Variants in XPR1 observed in about 807,000 individuals in gnomAD.
XPR1 encodes the protein xenotropic and polytropic retrovirus receptor 1.
In XPR1, 28 loss-of-function variants were observed where a neutral mutation model predicts 87.5. The observed-to-expected ratio is 0.32, with a 90% confidence interval of 0.24 to 0.44. The LOEUF (loss-of-function observed/expected upper bound fraction) is 0.44, where lower values mean the gene tolerates loss of function less well. Ranked by LOEUF, XPR1 falls within the 20% of genes least tolerant of loss-of-function variation. The pLI is 1.00. For missense variants in XPR1, 559 were observed against 862.3 expected (o/e 0.65, Z 4.41); for synonymous variants, 300 against 306.1 (o/e 0.98, Z 0.21).
intron 2 of XPR1, among the ~76,000 whole-genome samples, chr1:180,694,273 T>G (rs1657091059): frequency 6.6e-6 from 1 of 152,178 alleles, no homozygotes; most frequent in Non-Finnish European, 1.5e-5. Flanking sequence ...ATATCCATGC[T>G]TTTACATTTA....
At chr1:180,848,264 C>G (rs141977744) in intron 11 of XPR1, among the ~76,000 whole-genome samples, 1 of 152,198 alleles carries the variant, frequency 6.6e-6, no homozygotes, top group South Asian at 2.1e-4. Context: ...ACTTATTGCT[C>G]CTATCTAGAT....
intron 7 of XPR1, among the ~76,000 whole-genome samples, chr1:180,821,188 A>G (rs1456044306): frequency 6.6e-6 from 1 of 152,164 alleles, no homozygotes; most frequent in African/African-American, 2.4e-5. Flanking sequence ...TTGAATTCCT[A>G]TATTGAAGTC....
intron 1 of XPR1, among the ~76,000 whole-genome samples, chr1:180,669,915 A>G (rs1175589759): frequency 1.3e-5 from 2 of 152,162 alleles, no homozygotes; most frequent in African/African-American, 4.8e-5. Flanking sequence ...AAAATATCTT[A>G]ATGTACTGTA....
Position 180,702,492 on chromosome 1 carries a change from A to C in XPR1, c.121+20081A>C, listed in dbSNP as rs531022235. Among the ~76,000 whole-genome samples, 36 of 149,882 alleles carry C rather than the reference A, an allele frequency of 2.4e-4. No homozygotes were observed. The East Asian group carries it at 4.9e-3, about 20-fold the overall frequency. The stretch of plus-strand genomic sequence containing the variant: ...GCTGAGTTCAATTCTTTCTTTCTTT[A>C]TTTTTTTTTGTACTGACTGGGTTAT... On this transcript the variant is annotated intron_variant, in intron 2 of 14. Coordinates refer to ENST00000367590, the MANE Select transcript of XPR1 (RefSeq NM_004736.4).
At chr1:180,703,300 T>C (rs1287942123) in intron 2 of XPR1, among the ~76,000 whole-genome samples, 1 of 151,886 alleles carries the variant, frequency 6.6e-6, no homozygotes, top group Non-Finnish European at 1.5e-5. Flanking sequence ...ACTCAAGCAG[T>C]GGTGGTGATG....
intron 13 of XPR1, among the ~76,000 whole-genome samples, chr1:180,876,247 A>C (rs1225166573): frequency 6.6e-6 from 1 of 152,260 alleles, no homozygotes; most frequent in Non-Finnish European, 1.5e-5. Flanking sequence ...ACAGTTGTAA[A>C]AATCCTGAAT....
intron 2 of XPR1, among the ~76,000 whole-genome samples, chr1:180,683,966 A>C (rs1001513522): frequency 3.9e-5 from 6 of 151,980 alleles, no homozygotes; most frequent in Admixed American, 6.6e-5. Flanking sequence ...CTTTAGTTTA[A>C]TTCGATCCCA....
chr1:180,718,737 C>T (rs983109138), intron 2 of XPR1, among the ~76,000 whole-genome samples: 3 of 149,198 alleles, frequency 2.0e-5, no homozygotes, highest in Non-Finnish European at 4.4e-5. Flanking sequence ...GGCGCAATCT[C>T]GGCTCACCGC....
intron 2 of XPR1, among the ~76,000 whole-genome samples, chr1:180,777,299 A>AT (rs1392195377): frequency 6.6e-6 from 1 of 152,150 alleles, no homozygotes; most frequent in East Asian, 1.9e-4. Flanking sequence ...CGACAACCTT[A>AT]TTTAGAAAGC....
intron 7 of XPR1, among the ~76,000 whole-genome samples, chr1:180,816,351 A>G (rs1343414404): frequency 6.6e-6 from 1 of 152,144 alleles, no homozygotes; most frequent in Non-Finnish European, 1.5e-5. Flanking sequence ...CAGGAGGCGG[A>G]GCTCAGGAAG....
In XPR1 at chr1:180,651,945, T is replaced by C. The variant is rs1655306197; in HGVS notation, c.69+19675T>C. On this transcript the variant is annotated intron_variant, in intron 1 of 14. Transcript: ENST00000367590. ...TATTTAGATCTTGCAATACAAAGCC[T>C]GTGCAGTTTACAAACATGTTTTGAA... Among the ~76,000 whole-genome samples the C allele has an allele frequency of 2.0e-5, 3 of 152,240 alleles. No homozygotes were observed. The South Asian group carries it at 6.2e-4, about 31-fold the overall frequency.
intron 2 of XPR1, among the ~76,000 whole-genome samples, chr1:180,737,782 A>G (rs538775605): frequency 1.3e-5 from 2 of 152,274 alleles, no homozygotes; most frequent in Admixed American, 6.5e-5. Flanking sequence ...GCTTTTGTCA[A>G]TAATTCATTC....
intron 2 of XPR1, among the ~76,000 whole-genome samples, chr1:180,729,781 A>T (rs1371287908): frequency 6.6e-6 from 1 of 152,068 alleles, no homozygotes; most frequent in Non-Finnish European, 1.5e-5. Context: ...TAAGTTCCTT[A>T]TAGATTCTGG....
intron 2 of XPR1, among the ~76,000 whole-genome samples, chr1:180,699,062 T>C (rs1474777601): frequency 6.6e-6 from 1 of 152,176 alleles, no homozygotes; most frequent in African/African-American, 2.4e-5. Flanking sequence ...CTTGCAAGTC[T>C]TGGAGAGTTT....
intron 1 of XPR1, among the ~76,000 whole-genome samples, chr1:180,646,213 C>T (rs1655115478): frequency 6.6e-6 from 1 of 152,174 alleles, no homozygotes; most frequent in Admixed American, 6.5e-5. Flanking sequence ...ACCTTTTGAA[C>T]TGCAGCCTCT....
Position 180,837,368 on chromosome 1 carries a change from A to G in XPR1, c.1501+652A>G, listed in dbSNP as rs78434709. 2.5e-3 allele frequency among the ~76,000 whole-genome samples: 381 copies of G among 152,302 alleles called. 13 individuals carry two copies. The East Asian group carries it at 0.057, about 23-fold the overall frequency. On this transcript the variant is annotated intron_variant, in intron 11 of 14. Transcript: ENST00000367590. Reference sequence around the variant, plus strand: ...TGTCTTTTTAAGTCAACATCAACCAACACCTTAGATGCTGCACTTTTTCAT... The same window carrying G: ...TGTCTTTTTAAGTCAACATCAACCAGCACCTTAGATGCTGCACTTTTTCAT...
chr1:180,654,636 A>G (rs1407572209), intron 1 of XPR1, among the ~76,000 whole-genome samples: 1 of 152,144 alleles, frequency 6.6e-6, no homozygotes, highest in Non-Finnish European at 1.5e-5. Flanking sequence ...TGACTGCTCT[A>G]AGTACCTCAT....
At chr1:180,797,800 A>G (rs931382378) in intron 3 of XPR1, among the ~76,000 whole-genome samples, 9 of 152,178 alleles carry the variant, frequency 5.9e-5, no homozygotes, top group Non-Finnish European at 1.3e-4. Context: ...GGACATAAAT[A>G]CTTAAGTTGT....
At position 180,632,042 on chromosome 1, in the gene XPR1, G is replaced by A; in HGVS notation, c.-160G>A. The A allele has an allele frequency of 2.6e-6, 2 of 771,122 alleles. No individual in the cohort carries two copies. The highest frequency in any genetic ancestry group is 1.6e-5 in the South Asian group (1 of 64,054). 47.8% of individuals were successfully genotyped at this position (771,122 alleles called of 1,614,324 possible). A position where few individuals can be genotyped will look rare whatever the true frequency, so the allele number is the denominator to read the frequency against. On this transcript the variant is annotated 5_prime_UTR_variant, in exon 1 of 15. An upstream start codon of the reference 5' UTR is lost. Coordinates refer to ENST00000367590, the MANE Select transcript of XPR1 (RefSeq NM_004736.4). ...GGGCTATGGAGAGGAGGAGGAAGAT[G>A]GCGGGCGGGCTGCTCTGAAGAGACC...
Sources: gnomAD v4.1 joint callset for allele counts (sites outside exome capture counted in the v4.1 genomes callset) on GRCh38, gnomAD v4.1.1 for gene constraint, MANE v1.5 for transcripts, NCBI Gene and HGNC (gene_info 2026-07-23, HGNC 2026-07-21) for gene names.